LAT2: variants seen among roughly 807,000 people sequenced by gnomAD.
The protein encoded by LAT2 is linker for activation of T cells family member 2.
In LAT2, 23 loss-of-function variants were observed where a neutral mutation model predicts 43.4. That is an observed-to-expected ratio of 0.53 (90% CI 0.38 to 0.75). LAT2 has a LOEUF of 0.75. LAT2 is among the 30% of genes least tolerant of loss of function. The probability of loss-of-function intolerance (pLI) is 0.00; values close to 1 mark genes in which losing one functional copy is unlikely to be tolerated. For synonymous variants in LAT2, 128 were observed against 123.2 expected (o/e 1.04, Z -0.26); for missense variants, 284 against 310.2 (o/e 0.92, Z 0.64).
In LAT2 at chr7:74,220,522, A is replaced by G. The variant is rs1802226026; in HGVS notation, c.266-62A>G. 1.9e-6 allele frequency: 3 copies of G among 1,605,300 alleles called. No individual in the cohort carries two copies. The highest frequency in any genetic ancestry group is 2.6e-6 in the Non-Finnish European group (3 of 1,173,352). ...AGCTGGCCCTGCCTTGGGCTGCAGC[A>G]CCCGAGCTGGGTGCAAAGCAGGGGC... On this transcript the variant is annotated intron_variant, in intron 7 of 13. Transcript: ENST00000460943. This position sits in a 1 kb window ranked among gnomAD's most constrained non-coding sequence, Gnocchi z 4.5.
intron 4 of LAT2, 33 bp from the exon 5 acceptor site, chr7:74,219,711 G>A (rs1554714760): frequency 5.0e-6 from 8 of 1,613,770 alleles, no homozygotes; most frequent in Non-Finnish European, 6.8e-6. Flanking sequence ...TGGGAGTCCA[G>A]GCCCAGGCTC....
rs1298500897 is a variant in LAT2, at chr7:74,220,957, G to C, written c.332+223G>C. Among the ~76,000 whole-genome samples, 1 of 152,172 alleles carries C rather than the reference G, an allele frequency of 6.6e-6. No individual in the cohort carries two copies. The highest frequency in any genetic ancestry group is 1.5e-5 in the Non-Finnish European group (1 of 68,032). ...CTCTTAGGTAACCCTGGGTTTGGGGGACTGGACTTTGCCCTGCTCTGGGAC... is the reference window on the plus strand; with the variant it reads ...CTCTTAGGTAACCCTGGGTTTGGGGCACTGGACTTTGCCCTGCTCTGGGAC... On this transcript the variant is annotated intron_variant, in intron 9 of 13. Coordinates refer to ENST00000460943, the MANE Select transcript of LAT2 (RefSeq NM_032464.3). This position sits in a 1 kb window ranked among gnomAD's most constrained non-coding sequence, Gnocchi z 4.5.
At position 74,219,729 on chromosome 7, in the gene LAT2, C is replaced by A. The variant is rs1449821720; in HGVS notation, c.135-15C>A. 6.2e-7 allele frequency: 1 copy of A among 1,613,962 alleles called. No individual in the cohort carries two copies. Among genetic ancestry groups the A allele is most frequent in the African/African-American group, 1.3e-5 (1 of 74,938 alleles). ...GAGTCCAGGCCCAGGCTCAGCACAG[C>A]CCATGCATTTCCAGGCGTGAGGACC... is the stretch of plus-strand genomic sequence containing the variant. On this transcript the variant is annotated splice_polypyrimidine_tract_variant and intron_variant, in intron 4 of 13. Coordinates refer to ENST00000460943, the MANE Select transcript of LAT2 (RefSeq NM_032464.3).
At chr7:74,217,507 A>G (rs1227365581) in intron 4 of LAT2, among the ~76,000 whole-genome samples, 1 of 152,100 alleles carries the variant, frequency 6.6e-6, no homozygotes, top group Non-Finnish European at 1.5e-5. Flanking sequence ...TTTGACCCCA[A>G]TCCCCAGGGG....
At position 74,224,619 on chromosome 7, in the gene LAT2, G is replaced by A; in HGVS notation, c.629-20G>A. On this transcript the variant is annotated intron_variant, in intron 12 of 13. Coordinates refer to ENST00000460943, the MANE Select transcript of LAT2 (RefSeq NM_032464.3). ...CTCCATGTGAACCACTCGATGACCTGTCTGCCCGCTGGTCCACAGGGCAAC... is the reference window on the plus strand; with the variant it reads ...CTCCATGTGAACCACTCGATGACCTATCTGCCCGCTGGTCCACAGGGCAAC... 2 of 1,569,284 alleles carry A rather than the reference G, an allele frequency of 1.3e-6. No homozygotes were observed. The highest frequency in any genetic ancestry group is 1.7e-6 in the Non-Finnish European group (2 of 1,155,180).
intron 13 of LAT2, among the ~76,000 whole-genome samples, chr7:74,227,500 A>G (rs186085611): frequency 1.6e-4 from 25 of 152,236 alleles, no homozygotes; most frequent in African/African-American, 6.0e-4. Flanking sequence ...GATTACAGGC[A>G]TGAGCTACCA....
At chr7:74,222,970 G>A (rs1802346341) in intron 10 of LAT2, among the ~76,000 whole-genome samples, 1 of 152,224 alleles carries the variant, frequency 6.6e-6, no homozygotes, top group Admixed American at 6.5e-5. Context: ...GCCAAGATGG[G>A]GTGCCAGGCG....
intron 3 of LAT2, 115 bp from the exon 4 acceptor site, chr7:74,216,710 G>A (rs1281629611): frequency 6.4e-6 from 5 of 785,948 alleles, no homozygotes; most frequent in Non-Finnish European, 1.1e-5. Flanking sequence ...ATGATTGACA[G>A]TTTGGCCCCC....
rs964957086 is a variant in LAT2 at position 74,224,540 on chromosome 7, C to T, written c.629-99C>T. ...GACCTGTCGGGCGTGGCATTTCCCGCGGGCTGTTTTGTGGAGTCTGGGGGT... is the reference window on the plus strand; with the variant it reads ...GACCTGTCGGGCGTGGCATTTCCCGTGGGCTGTTTTGTGGAGTCTGGGGGT... On this transcript the variant is annotated intron_variant, in intron 12 of 13. Transcript: ENST00000460943. The T allele has an allele frequency of 8.5e-5, 87 of 1,024,098 alleles. 2 individuals are homozygous for T. Among genetic ancestry groups the T allele is most frequent in the South Asian group, 4.7e-4 (34 of 72,306 alleles). 63.4% of individuals were successfully genotyped at this position (1,024,098 alleles called of 1,614,324 possible).
chr7:74,228,201 G>C (rs1802564833), intron 13 of LAT2, among the ~76,000 whole-genome samples: 1 of 136,638 alleles, frequency 7.3e-6, no homozygotes, highest in Admixed American at 7.7e-5. Flanking sequence ...AAAAAGCCAG[G>C]CGCGGTGGCT....
chr7:74,223,688 C>T (rs1554715614), intron 10 of LAT2, 36 bp from the exon 11 acceptor site: 13 of 1,597,454 alleles, frequency 8.1e-6, no homozygotes, highest in Non-Finnish European at 1.0e-5. Flanking sequence ...GCAGGGTCTG[C>T]CCACACCCCC....
chr7:74,214,793 T>TATATATA (rs1554714004), intron 1 of LAT2, 29 bp from the exon 2 acceptor site: 1 of 40,822 alleles, frequency 2.4e-5, no homozygotes, highest in Non-Finnish European at 4.4e-5. Context: ...ATATATATAT[T>TATATATA]TTTTTTTTTT....
chr7:74,211,618 C>T (rs904774758), intron 1 of LAT2, among the ~76,000 whole-genome samples: 1 of 151,960 alleles, frequency 6.6e-6, no homozygotes, highest in Non-Finnish European at 1.5e-5. Flanking sequence ...CCACCACGAC[C>T]GGCTAATTTT....
chr7:74,214,770 T>TAAATATATATAAAA (rs1563968735), intron 1 of LAT2, 52 bp from the exon 2 acceptor site: 14 of 27,250 alleles, frequency 5.1e-4, no homozygotes, highest in South Asian at 1.7e-3. Flanking sequence ...TAAACATATA[T>TAAATATATATAAAA]ATATAAATAT....
rs1260676252 is a variant in LAT2 at position 74,216,763 on chromosome 7, G to T, written c.95-62G>T. On this transcript the variant is annotated intron_variant, in intron 3 of 13. Transcript: ENST00000460943. ...TGCTGGAGACAAGACATGGCGGGGGGTGTCTGACCTCAGGTCGCAGCTGCT... is the reference window on the plus strand; with the variant it reads ...TGCTGGAGACAAGACATGGCGGGGGTTGTCTGACCTCAGGTCGCAGCTGCT... 27 of 1,428,844 alleles carry T rather than the reference G, an allele frequency of 1.9e-5. No individual in the cohort carries two copies. In the East Asian group the frequency reaches 2.7e-4, roughly 15 times the overall value. 88.5% of individuals were successfully genotyped at this position (1,428,844 alleles called of 1,614,324 possible). A position where few individuals can be genotyped will look rare whatever the true frequency, so the allele number is the denominator to read the frequency against.
chr7:74,220,502 G>T lies in LAT2; in HGVS notation c.266-82G>T, dbSNP rs937009516. The T allele has an allele frequency of 6.4e-7, 1 of 1,557,878 alleles. No homozygotes were observed. Among genetic ancestry groups the T allele is most frequent in the East Asian group, 2.3e-5 (1 of 44,374 alleles). ...AAGGCTCAGACACGGGAAATAGCTGGCCCTGCCTTGGGCTGCAGCACCCGA... is the reference window on the plus strand; with the variant it reads ...AAGGCTCAGACACGGGAAATAGCTGTCCCTGCCTTGGGCTGCAGCACCCGA... On this transcript the variant is annotated intron_variant, in intron 7 of 13. Coordinates refer to ENST00000460943, the MANE Select transcript of LAT2 (RefSeq NM_032464.3). This position sits in a 1 kb window ranked among gnomAD's most constrained non-coding sequence, Gnocchi z 4.5.
At chr7:74,216,340 C>G (rs1192575010) in intron 3 of LAT2, among the ~76,000 whole-genome samples, 1 of 152,048 alleles carries the variant, frequency 6.6e-6, no homozygotes, top group Non-Finnish European at 1.5e-5. Context: ...ACTTTTCTAG[C>G]CTCTCCTCTT....
At chr7:74,216,200 C>A in intron 3 of LAT2, 131 bp downstream of exon 3, 1 of 694,680 alleles carries the variant, frequency 1.4e-6, no homozygotes, top group Non-Finnish European at 2.3e-6. Context: ...CCCCTGACCC[C>A]TAAACTGCCC....
In LAT2 at chr7:74,229,065, A is replaced by C. The variant is rs1391493998; in HGVS notation, c.*140A>C. The C allele has an allele frequency of 1.3e-5, 2 of 152,212 alleles. No homozygotes were observed. The highest frequency in any genetic ancestry group is 2.9e-5 in the Non-Finnish European group (2 of 68,088). 9.4% of individuals were successfully genotyped at this position (152,212 alleles called of 1,614,324 possible). On this transcript the variant is annotated 3_prime_UTR_variant, in exon 14 of 14. Coordinates refer to ENST00000460943, the MANE Select transcript of LAT2 (RefSeq NM_032464.3). ...GTTGCTCCTGGAAGGAGAACCAGCC[A>C]CCCTGAGGACCACCTGGCCATGCGT...
Sources: allele counts gnomAD v4.1 joint callset (sites outside exome capture counted in the v4.1 genomes callset), GRCh38; gene constraint gnomAD v4.1.1; non-coding constraint Gnocchi (gnomAD v3.1); transcripts MANE v1.5; gene names NCBI Gene and HGNC (gene_info 2026-07-23, HGNC 2026-07-21).